The following PRKD1 variants were observed in gnomAD, a reference collection of about 807,000 sequenced individuals.
The protein encoded by PRKD1 is protein kinase D1.
A neutral mutation model predicts 95.9 loss-of-function variants in PRKD1; 63 were observed. The observed-to-expected ratio is 0.66, with a 90% CI of 0.54 to 0.81. The LOEUF is 0.81. PRKD1 is among the 30% of genes least tolerant of loss of function. The pLI is 0.00. For missense variants in PRKD1, 1,048 were observed against 1,165.3 expected, an observed-to-expected ratio of 0.90 and a Z score of 1.47; for synonymous variants, 425 against 423.1, an observed-to-expected ratio of 1.00 and a Z score of -0.05.
chr14:29,652,713 G>A (rs1239799955), intron 4 of PRKD1: 1 of 152,198 alleles, frequency 6.6e-6, no homozygotes, highest in Non-Finnish European at 1.5e-5. Context: ...GTGTCATGGT[G>A]CATATTTAAA....
intron 2 of PRKD1, among the ~76,000 whole-genome samples, chr14:29,705,306 T>A (rs946375204): frequency 6.6e-6 from 1 of 151,990 alleles, no homozygotes; most frequent in African/African-American, 2.4e-5. Context: ...ACATACTAGG[T>A]TGCTGCAAAA....
intron 2 of PRKD1, among the ~76,000 whole-genome samples, chr14:29,707,349 G>C (rs1364681063): frequency 6.6e-6 from 1 of 152,132 alleles, no homozygotes; most frequent in Non-Finnish European, 1.5e-5. Flanking sequence ...TGAACTAGCA[G>C]ATAGTAAGGG....
At chr14:29,770,885 T>C (rs904613451) in intron 1 of PRKD1, among the ~76,000 whole-genome samples, 1 of 131,104 alleles carries the variant, frequency 7.6e-6, no homozygotes, top group Non-Finnish European at 1.5e-5. Flanking sequence ...GGAGCCATGA[T>C]CGTGCCACTG....
intron 1 of PRKD1, among the ~76,000 whole-genome samples, chr14:29,833,872 T>G (rs1000815129): frequency 1.3e-5 from 2 of 151,192 alleles, no homozygotes; most frequent in Non-Finnish European, 3.0e-5. Flanking sequence ...CATTACAGAC[T>G]AGACAGCAGC....
chr14:29,793,633 T>C (rs551941509), intron 1 of PRKD1, among the ~76,000 whole-genome samples: 11 of 152,082 alleles, frequency 7.2e-5, no homozygotes, highest in Non-Finnish European at 1.3e-4. Context: ...CTTATTCAAA[T>C]AGGAAGAGAT....
chr14:29,687,151 A>C (rs1021258045), intron 2 of PRKD1, among the ~76,000 whole-genome samples: 2 of 152,050 alleles, frequency 1.3e-5, no homozygotes, highest in African/African-American at 4.8e-5. Context: ...AAAAAAAAAG[A>C]AAAAAACAGA....
chr14:29,808,317 A>T (rs1160335601), intron 1 of PRKD1, among the ~76,000 whole-genome samples: 1 of 140,690 alleles, frequency 7.1e-6, no homozygotes, highest in East Asian at 2.1e-4. Flanking sequence ...GCCACTAGTC[A>T]TCCATTCAAG....
At chr14:29,643,589 AT>A (rs1457622378) in intron 4 of PRKD1, among the ~76,000 whole-genome samples, 1 of 152,174 alleles carries the variant, frequency 6.6e-6, no homozygotes, top group Non-Finnish European at 1.5e-5. Context: ...CCAGGAAATG[AT>A]TGCTTAGATT....
At chr14:29,735,933 AAAAT>A (rs1448715017) in intron 1 of PRKD1, among the ~76,000 whole-genome samples, 4 of 152,366 alleles carry the variant, frequency 2.6e-5, no homozygotes, top group African/African-American at 9.6e-5. Flanking sequence ...GAATAATACC[AAAAT>A]ATGCTGCACA....
At chr14:29,621,199 G>C (rs537303290) in intron 13 of PRKD1, among the ~76,000 whole-genome samples, 8 of 145,580 alleles carry the variant, frequency 5.5e-5, no homozygotes, top group Middle Eastern at 3.5e-3. Flanking sequence ...TTGTGGGATG[G>C]GGGGAGGGGG....
intron 1 of PRKD1, among the ~76,000 whole-genome samples, chr14:29,850,153 C>A (rs757335361): frequency 1.3e-5 from 2 of 152,114 alleles, no homozygotes; most frequent in Non-Finnish European, 2.9e-5. Context: ...GACAAAGATG[C>A]ACATTCTTAC....
At chr14:29,882,354 G>A (rs1038188283) in intron 1 of PRKD1, among the ~76,000 whole-genome samples, 72 of 152,072 alleles carry the variant, frequency 4.7e-4, no homozygotes, top group African/African-American at 1.7e-3. Flanking sequence ...CAGTGAATTC[G>A]TTATCATGTA....
chr14:29,927,731 G>T lies in PRKD1; in HGVS notation c.-219C>A, dbSNP rs1020913948. 2 of 200,384 alleles carry T rather than the reference G, an allele frequency of 1.0e-5. No homozygotes were observed. The highest frequency in any genetic ancestry group is 6.1e-5 in the Admixed American group (1 of 16,470). 12.4% of individuals were successfully genotyped at this position (200,384 alleles called of 1,614,324 possible). A position where few individuals can be genotyped will look rare whatever the true frequency, so the allele number is the denominator to read the frequency against. ...GAGATGGGGAGGAGGGAAAATGGCC[G>T]AGGCGGGAGGACTCTGAGGCCCGGA... On this transcript the variant is annotated 5_prime_UTR_variant, in exon 1 of 18. Coordinates refer to ENST00000331968, the MANE Select transcript of PRKD1 (RefSeq NM_002742.3).
intron 1 of PRKD1, among the ~76,000 whole-genome samples, chr14:29,797,687 C>T (rs947536732): frequency 1.3e-5 from 2 of 152,172 alleles, no homozygotes; most frequent in African/African-American, 4.8e-5. Flanking sequence ...AGCACCTGCA[C>T]TGCTACAGAC....
chr14:29,666,293 G>C, intron 2 of PRKD1, 85 bp from the exon 3 acceptor site: 14 of 1,389,798 alleles, frequency 1.0e-5, no homozygotes, highest in Non-Finnish European at 1.4e-5. Context: ...AAATATGCCA[G>C]TACGGATATA....
intron 13 of PRKD1, among the ~76,000 whole-genome samples, chr14:29,621,766 CATA>C (rs1342161014): frequency 6.6e-6 from 1 of 152,086 alleles, no homozygotes; most frequent in Non-Finnish European, 1.5e-5. Flanking sequence ...GTGTTTGGCT[CATA>C]ATATGTACTC....
At chr14:29,659,533 G>C (rs759324835) in intron 4 of PRKD1, among the ~76,000 whole-genome samples, 6 of 152,104 alleles carry the variant, frequency 3.9e-5, no homozygotes, top group Admixed American at 2.0e-4. Flanking sequence ...AGCTTTACGA[G>C]ATAACTGCCA....
At position 29,578,255 on chromosome 14, in the gene PRKD1, A is replaced by T; in HGVS notation, c.2520+20T>A. On this transcript the variant is annotated intron_variant, in intron 17 of 17. Coordinates refer to ENST00000331968, the MANE Select transcript of PRKD1 (RefSeq NM_002742.3). ...TTTAGAAGCTCATTCAACTAAGAAA[A>T]CTCAGTGATTATTGTTTACCTGTAG... is the stretch of plus-strand genomic sequence containing the variant. 6.5e-7 allele frequency: 1 copy of T among 1,538,570 alleles called. No individual in the cohort carries two copies. Among genetic ancestry groups the T allele is most frequent in the Non-Finnish European group, 8.9e-7 (1 of 1,125,634 alleles).
intron 1 of PRKD1, among the ~76,000 whole-genome samples, chr14:29,869,022 T>C (rs1272643969): frequency 6.6e-6 from 1 of 152,142 alleles, no homozygotes; most frequent in Non-Finnish European, 1.5e-5. Flanking sequence ...CTAGTACCAT[T>C]ATGAAAATCA....
Sources: gnomAD v4.1 joint callset for allele counts (sites outside exome capture counted in the v4.1 genomes callset) on GRCh38, gnomAD v4.1.1 for gene constraint, MANE v1.5 for transcripts, NCBI Gene and HGNC (gene_info 2026-07-23, HGNC 2026-07-21) for gene names.